Variants in TRAPPC12 observed in about 807,000 individuals in gnomAD.
The protein encoded by TRAPPC12 is trafficking protein particle complex subunit 12, also known as TPR repeat protein 15.
In TRAPPC12, 61 loss-of-function variants were observed where a neutral mutation model predicts 69.2. That is an observed-to-expected ratio of 0.88 (90% CI 0.72 to 1.09). The LOEUF is 1.09. Among genes scored for constraint, TRAPPC12 ranks in the 50% least tolerant of loss-of-function variants. TRAPPC12 has a pLI of 0.00. For missense variants in TRAPPC12, 1,101 were observed against 1,016.4 expected (o/e 1.08, Z -1.13); for synonymous variants, 469 against 438.9 (o/e 1.07, Z -0.86).
chr2:3,439,664 T>C lies in TRAPPC12; in HGVS notation c.1418-4115T>C, dbSNP rs992322690. Among the ~76,000 whole-genome samples, 6 of 152,370 alleles carry C rather than the reference T, an allele frequency of 3.9e-5. No homozygotes were observed. In the East Asian group the frequency reaches 1.2e-3, roughly 29 times the overall value. On this transcript the variant is annotated intron_variant, in intron 5 of 11. Transcript: ENST00000324266. ...TCTCTTCATTACTTTAATACTACGTTGGACAGAGCATACGTGTTTAATTTT... is the reference window on the plus strand; with the variant it reads ...TCTCTTCATTACTTTAATACTACGTCGGACAGAGCATACGTGTTTAATTTT...
intron 9 of TRAPPC12, among the ~76,000 whole-genome samples, chr2:3,474,368 A>T (rs1324927097): frequency 1.3e-5 from 2 of 152,212 alleles, no homozygotes; most frequent in African/African-American, 4.8e-5. Flanking sequence ...GCAGCTGAAG[A>T]GATGGTGCCT....
chr2:3,392,446 C>A (rs1660879398), intron 2 of TRAPPC12, among the ~76,000 whole-genome samples: 1 of 152,174 alleles, frequency 6.6e-6, no homozygotes, highest in African/African-American at 2.4e-5. Flanking sequence ...CGTGTTTACC[C>A]TAGATAATGC....
intron 4 of TRAPPC12, 47 bp downstream of exon 4, chr2:3,422,041 T>C (rs1412598029): frequency 6.9e-7 from 1 of 1,453,274 alleles, no homozygotes. Flanking sequence ...CTTATCACAG[T>C]CTGGGGACAT....
intron 5 of TRAPPC12, among the ~76,000 whole-genome samples, chr2:3,426,777 G>C (rs1009874498): frequency 1.3e-5 from 2 of 152,176 alleles, no homozygotes; most frequent in African/African-American, 4.8e-5. Context: ...CTCTCCCCCG[G>C]AGCAAGTCTC....
At chr2:3,392,220 C>G (rs1480033381) in intron 2 of TRAPPC12, among the ~76,000 whole-genome samples, 1 of 152,176 alleles carries the variant, frequency 6.6e-6, no homozygotes, top group East Asian at 1.9e-4. Context: ...TGTCCAGTTT[C>G]TCCTTTTATG....
At chr2:3,412,232 G>A (rs1265012018) in intron 3 of TRAPPC12, among the ~76,000 whole-genome samples, 3 of 150,338 alleles carry the variant, frequency 2.0e-5, no homozygotes, top group Non-Finnish European at 4.5e-5. Context: ...TTAAGAATAG[G>A]AAGGTTTCAC....
chr2:3,460,439 C>G, intron 8 of TRAPPC12, 103 bp downstream of exon 8: 1 of 718,008 alleles, frequency 1.4e-6, no homozygotes, highest in Non-Finnish European at 2.4e-6. Context: ...AGGGACCGGC[C>G]GTGCAGAGAA....
chr2:3,450,502 G>T (rs574904278), intron 6 of TRAPPC12, among the ~76,000 whole-genome samples: 1 of 152,144 alleles, frequency 6.6e-6, no homozygotes, highest in African/African-American at 2.4e-5. Flanking sequence ...GCCTGTGTCC[G>T]CTTCGGCCTT....
intron 5 of TRAPPC12, among the ~76,000 whole-genome samples, chr2:3,426,158 T>A (rs1326329242): frequency 6.6e-6 from 1 of 152,238 alleles, no homozygotes; most frequent in African/African-American, 2.4e-5. Context: ...TCACTGGTAT[T>A]AAAATTGTTT....
At chr2:3,476,703 T>TG (rs1666305201) in intron 9 of TRAPPC12, among the ~76,000 whole-genome samples, 1 of 152,210 alleles carries the variant, frequency 6.6e-6, no homozygotes, top group African/African-American at 2.4e-5. Flanking sequence ...GCTGGACAGA[T>TG]GCTTGGCGTG....
In TRAPPC12 at chr2:3,397,535, T is replaced by C. The variant is rs573793352; in HGVS notation, c.1048-4242T>C. On this transcript the variant is annotated intron_variant, in intron 2 of 11. Transcript: ENST00000324266. Reference sequence around the variant, plus strand: ...CACTCTCTGCACATACAGCTGAGTGTCAGCAGTAAACTCAAGGGCTCCCAC... The same window carrying C: ...CACTCTCTGCACATACAGCTGAGTGCCAGCAGTAAACTCAAGGGCTCCCAC... Among the ~76,000 whole-genome samples, 33 of 152,350 alleles carry C rather than the reference T, an allele frequency of 2.2e-4. No homozygotes were observed. In the East Asian group the frequency reaches 6.2e-3, roughly 28 times the overall value.
chr2:3,396,298 A>C (rs1661129428), intron 2 of TRAPPC12, among the ~76,000 whole-genome samples: 1 of 150,532 alleles, frequency 6.6e-6, no homozygotes, highest in South Asian at 2.1e-4. Context: ...TTTGACTTGC[A>C]TAGTTTCTGA....
chr2:3,462,712 T>G (rs540094203), intron 8 of TRAPPC12: 110 of 311,048 alleles, frequency 3.5e-4, no homozygotes, highest in African/African-American at 2.3e-3. Flanking sequence ...TTTAAATACT[T>G]CTTCCTCTCC....
chr2:3,452,106 C>T (rs1192394038), intron 6 of TRAPPC12, among the ~76,000 whole-genome samples: 2 of 152,248 alleles, frequency 1.3e-5, no homozygotes, highest in African/African-American at 2.4e-5. Flanking sequence ...AGATGGTGAC[C>T]GCAGTGTCTC....
At chr2:3,425,643 C>T (rs1405240815) in intron 5 of TRAPPC12, among the ~76,000 whole-genome samples, 2 of 152,160 alleles carry the variant, frequency 1.3e-5, no homozygotes, top group Admixed American at 6.6e-5. Flanking sequence ...GGGAAAGTCT[C>T]GCACTGCCGC....
intron 5 of TRAPPC12, among the ~76,000 whole-genome samples, chr2:3,442,925 G>T (rs1199317530): frequency 6.6e-6 from 1 of 152,158 alleles, no homozygotes; most frequent in African/African-American, 2.4e-5. Context: ...ATTGCCCTCT[G>T]GCATTTCTCT....
intron 2 of TRAPPC12, among the ~76,000 whole-genome samples, chr2:3,389,243 A>G (rs1660682454): frequency 6.6e-6 from 1 of 152,202 alleles, no homozygotes; most frequent in African/African-American, 2.4e-5. Flanking sequence ...GCCCCTGCCC[A>G]GGCCTCTCTC....
chr2:3,465,412 A>G (rs1050901214), intron 8 of TRAPPC12, among the ~76,000 whole-genome samples, 185 bp from the exon 9 acceptor site: 5 of 152,184 alleles, frequency 3.3e-5, no homozygotes, highest in Admixed American at 6.5e-5. Context: ...GCCCGACTGC[A>G]GTCGGGAGAG....
At chr2:3,451,908 C>T (rs1418954439) in intron 6 of TRAPPC12, among the ~76,000 whole-genome samples, 1 of 152,208 alleles carries the variant, frequency 6.6e-6, no homozygotes, top group African/African-American at 2.4e-5. Flanking sequence ...TCATGCAAAG[C>T]CTTCAGTTGA....
Sources: allele counts gnomAD v4.1 joint callset (sites outside exome capture counted in the v4.1 genomes callset), GRCh38; gene constraint gnomAD v4.1.1; transcripts MANE v1.5; gene names NCBI Gene and HGNC (gene_info 2026-07-23, HGNC 2026-07-21).